The following NRAS variants were observed in gnomAD, a reference collection of about 807,000 sequenced individuals.
The protein encoded by NRAS is NRAS proto-oncogene, GTPase, also known as GTPase NRas.
In NRAS, 6 loss-of-function variants were observed where a neutral mutation model predicts 21.3. The observed-to-expected ratio is 0.28, with a 90% confidence interval of 0.15 to 0.56. The LOEUF (loss-of-function observed/expected upper bound fraction) is 0.56. NRAS is among the 20% of genes least tolerant of loss of function. The pLI is 0.93. For missense variants in NRAS, 143 were observed against 231.3 expected (o/e 0.62, Z 2.48); for synonymous variants, 84 against 82.0 (o/e 1.02, Z -0.13).
intron 2 of NRAS, among the ~76,000 whole-genome samples, chr1:114,715,780 G>A (rs1659149037): frequency 6.6e-6 from 1 of 152,100 alleles, no homozygotes; most frequent in Non-Finnish European, 1.5e-5. Flanking sequence ...TAATAGAGCT[G>A]TTATATATGA....
chr1:114,714,043 G>T, intron 2 of NRAS, 65 bp from the exon 3 acceptor site: 1 of 938,278 alleles, frequency 1.1e-6, no homozygotes. Context: ...AAAACCACAG[G>T]GAATGCAATG....
chr1:114,715,215 C>T (rs1000894165), intron 2 of NRAS, among the ~76,000 whole-genome samples: 2 of 152,010 alleles, frequency 1.3e-5, no homozygotes, highest in African/African-American at 2.4e-5. Context: ...TTAGTAGAGA[C>T]GGGGTTTCAC....
chr1:114,713,761 C>T (rs2101741644), intron 3 of NRAS, 39 bp downstream of exon 3: 1 of 1,544,734 alleles, frequency 6.5e-7, no homozygotes, highest in Non-Finnish European at 9.0e-7. Context: ...ATTCAGAACA[C>T]AAAGATCATC....
chr1:114,709,930 T>C (rs541258689), intron 3 of NRAS, among the ~76,000 whole-genome samples: 1 of 152,048 alleles, frequency 6.6e-6, no homozygotes, highest in Admixed American at 6.6e-5. Context: ...CAGTGGCTCA[T>C]GCCTGTATTC....
intron 4 of NRAS, 73 bp downstream of exon 4, chr1:114,709,496 T>C (rs1180503652): frequency 8.3e-7 from 1 of 1,207,140 alleles, no homozygotes; most frequent in East Asian, 2.3e-5. Flanking sequence ...AGAATATGAA[T>C]ATGGATCACA....
chr1:114,708,889 C>T (rs1309801021), intron 4 of NRAS, among the ~76,000 whole-genome samples: 1 of 152,192 alleles, frequency 6.6e-6, no homozygotes, highest in Non-Finnish European at 1.5e-5. Flanking sequence ...AATAAACATT[C>T]ATGCAAAGGA....
At chr1:114,716,479 C>G (rs1026519073) in intron 1 of NRAS, among the ~76,000 whole-genome samples, 179 bp downstream of exon 1, 4 of 152,170 alleles carry the variant, frequency 2.6e-5, no homozygotes, top group Non-Finnish European at 5.9e-5. Flanking sequence ...CTCCAGGCCG[C>G]AACTCCTTCC....
chr1:114,715,586 AC>A (rs1346949523), intron 2 of NRAS, among the ~76,000 whole-genome samples: 1 of 152,184 alleles, frequency 6.6e-6, no homozygotes, highest in Admixed American at 6.5e-5. Flanking sequence ...GCAAACAGGG[AC>A]CAAAATCCTA....
intron 3 of NRAS, among the ~76,000 whole-genome samples, chr1:114,710,269 T>A (rs28437317): frequency 1.2e-5 from 1 of 83,250 alleles, no homozygotes; most frequent in African/African-American, 4.4e-5. Flanking sequence ...AAATATATAT[T>A]TATATATAAT....
At chr1:114,713,317 G>A (rs1343588755) in intron 3 of NRAS, among the ~76,000 whole-genome samples, 1 of 151,940 alleles carries the variant, frequency 6.6e-6, no homozygotes, top group Non-Finnish European at 1.5e-5. Flanking sequence ...GCCACCATGT[G>A]TGACTAATTT....
chr1:114,714,008 A>C, intron 2 of NRAS, 30 bp from the exon 3 acceptor site: 88 of 577,494 alleles, frequency 1.5e-4, no homozygotes, highest in Non-Finnish European at 2.5e-4. Context: ...GGGGGCAGGG[A>C]GGGAGGGAAG....
rs550430098 is a variant in NRAS, at chr1:114,713,733, C to A, written c.290+67G>T. On this transcript the variant is annotated intron_variant, in intron 3 of 6. Transcript: ENST00000369535. ...AGCTCTATCTTCCCTAGTGTGGTAA[C>A]CTCATTTCCCCATAAAGATTCAGAA... The A allele has an allele frequency of 1.4e-5, 19 of 1,364,192 alleles. No individual in the cohort carries two copies. The Admixed American group carries it at 3.0e-4, about 22-fold the overall frequency. The allele number at this position is 1,364,192 out of a possible 1,614,324, so 84.5% of individuals were successfully genotyped here. A position where few individuals can be genotyped will look rare whatever the true frequency, so the allele number is the denominator to read the frequency against.
chr1:114,708,150 C>G lies in NRAS; in HGVS notation c.*43+4G>C, dbSNP rs1394947422. ...ATGAGAATACATTTCCAAACTTGTC[C>G]TACCTTGAAAGTGGCTCTTTTCTGA... On this transcript the variant is annotated splice_donor_region_variant and intron_variant, in intron 6 of 6. Transcript: ENST00000369535. 4.7e-6 allele frequency: 1 copy of G among 214,750 alleles called. No homozygotes were observed. Among genetic ancestry groups the G allele is most frequent in the Non-Finnish European group, 9.4e-6 (1 of 106,478 alleles). The allele number at this position is 214,750 out of a possible 1,614,324, so 13.3% of individuals were successfully genotyped here. A position where few individuals can be genotyped will look rare whatever the true frequency, so the allele number is the denominator to read the frequency against.
chr1:114,709,645 A>G lies in NRAS; in HGVS notation c.374T>C (p.Val125Ala). Residue 125 changes from valine (V) to alanine (A), a missense_variant, in exon 4 of 7, where the codon GTT (valine) becomes GCT (alanine). Physicochemically the swap from Val to Ala is moderately conservative, Grantham distance 64. Transcript: ENST00000369535. Reference protein sequence around the residue: ...GNKCDLPTRTVDTKQAHELAK... With the variant: ...GNKCDLPTRTADTKQAHELAK... ...CAGTTCGTGGGCTTGTTTTGTATCA[A>G]CTGTCCTTGTTGGCAAATCACACTT... The G allele has an allele frequency of 6.2e-7, 1 of 1,613,842 alleles. No individual in the cohort carries two copies. The highest frequency in any genetic ancestry group is 1.3e-5 in the African/African-American group (1 of 75,022).
In NRAS at chr1:114,710,309, CAT is replaced by C. The variant is rs1659018424; in HGVS notation, c.291-583_291-582del. ...AATATATAAATATATATAATTTACA[CAT>C]ATAAATATATATTTATATATATTTA... On this transcript the variant is annotated intron_variant, in intron 3 of 6. Coordinates refer to ENST00000369535, the MANE Select transcript of NRAS (RefSeq NM_002524.5). 5.9e-5 allele frequency among the ~76,000 whole-genome samples: 8 copies of C among 134,648 alleles called. No individual in the cohort carries two copies. In the South Asian group the frequency reaches 1.8e-3, roughly 31 times the overall value. 88.3% of individuals were successfully genotyped at this position (134,648 alleles called of 152,430 possible).
chr1:114,709,411 GAAGA>G (rs1658990099), intron 4 of NRAS, among the ~76,000 whole-genome samples, 154 bp downstream of exon 4: 1 of 151,642 alleles, frequency 6.6e-6, no homozygotes, highest in Non-Finnish European at 1.5e-5. Context: ...CTCCAGCTTA[GAAGA>G]TAGAGTGAGA....
rs188335706 is a variant in NRAS, at chr1:114,711,600, C to T, written c.291-1872G>A. 6.6e-3 allele frequency among the ~76,000 whole-genome samples: 516 copies of T among 77,906 alleles called. 5 individuals carry two copies. Among genetic ancestry groups the T allele is most frequent in the African/African-American group, 0.04 (489 of 12,194 alleles). The allele number at this position is 77,906 out of a possible 152,430, so 51.1% of individuals were successfully genotyped here. On this transcript the variant is annotated intron_variant, in intron 3 of 6. Transcript: ENST00000369535. ...AGCTTGGGCAACCAGAGCAAAACTC[C>T]GTCTCAAAAAAAAAAAAACAAACAA...
At position 114,705,342 on chromosome 1, in the gene NRAS, G is replaced by C. The variant is rs533774717; in HGVS notation, c.*2752C>G. ...ATAGTAAGCCGTTGGAGCAAATACA[G>C]CATTTAACAGGTTCATTTACAGATC... On this transcript the variant is annotated 3_prime_UTR_variant, in exon 7 of 7. Transcript: ENST00000369535. 1 of 152,312 alleles carries C rather than the reference G, an allele frequency of 6.6e-6. No individual in the cohort carries two copies. Among genetic ancestry groups the C allele is most frequent in the South Asian group, 2.1e-4 (1 of 4,826 alleles). 9.4% of individuals were successfully genotyped at this position (152,312 alleles called of 1,614,324 possible). A position where few individuals can be genotyped will look rare whatever the true frequency, so the allele number is the denominator to read the frequency against.
intron 3 of NRAS, among the ~76,000 whole-genome samples, chr1:114,713,051 GTAC>G: frequency 6.6e-6 from 1 of 152,308 alleles, no homozygotes; most frequent in South Asian, 2.1e-4. Context: ...TAAGAATATT[GTAC>G]TAGAATTTTT....
Sources: allele counts gnomAD v4.1 joint callset (sites outside exome capture counted in the v4.1 genomes callset), GRCh38; gene constraint gnomAD v4.1.1; transcripts MANE v1.5; gene names NCBI Gene and HGNC (gene_info 2026-07-23, HGNC 2026-07-21).